GARIN5A: variants seen among roughly 807,000 people sequenced by gnomAD.
GARIN5A encodes golgi associated RAB2 interactor 5A.
At chr19:50,476,372 C>T in the GARIN5A span, 1 of 1,566,872 alleles carries the variant, frequency 6.4e-7, no homozygotes, top group Non-Finnish European at 8.6e-7. Flanking sequence ...GAGATCAGGC[C>T]AAAGGGGCGG....
the GARIN5A span, among the ~76,000 whole-genome samples, chr19:50,469,973 A>T: frequency 6.6e-5 from 10 of 152,266 alleles, no homozygotes; most frequent in South Asian, 2.1e-3. Flanking sequence ...ATATTTACCC[A>T]GTTTTTCCCC....
chr19:50,471,942 GTATA>G, the GARIN5A span, among the ~76,000 whole-genome samples: 4 of 139,984 alleles, frequency 2.9e-5, no homozygotes, highest in African/African-American at 6.0e-5. Flanking sequence ...ATGTGTGTAA[GTATA>G]TATACATGTA....
the GARIN5A span, among the ~76,000 whole-genome samples, chr19:50,475,067 T>C: frequency 6.6e-6 from 1 of 152,192 alleles, no homozygotes; most frequent in Non-Finnish European, 1.5e-5. Flanking sequence ...GAGCAGGCCC[T>C]GCGGAAATGA....
the GARIN5A span, among the ~76,000 whole-genome samples, chr19:50,473,368 T>C: frequency 2.0e-5 from 3 of 152,092 alleles, no homozygotes; most frequent in Non-Finnish European, 4.4e-5. Context: ...TCTTTCTTTC[T>C]TTTTTAGAGA....
the GARIN5A span, among the ~76,000 whole-genome samples, chr19:50,469,113 C>T: frequency 1.7e-4 from 26 of 152,256 alleles, no homozygotes; most frequent in East Asian, 3.3e-3. Flanking sequence ...AAGCCCTCAC[C>T]GTGGCCCACA....
At chr19:50,474,262 C>T in the GARIN5A span, among the ~76,000 whole-genome samples, 1 of 151,576 alleles carries the variant, frequency 6.6e-6, no homozygotes, top group East Asian at 1.9e-4. Flanking sequence ...TCACTGCAAC[C>T]TCCACCTCTT....
chr19:50,475,218 C>T, the GARIN5A span: 1,272 of 1,437,562 alleles, frequency 8.8e-4, 4 homozygotes, highest in South Asian at 1.4e-3. Flanking sequence ...GGTAGCACTG[C>T]CAGCTCCTGG....
At chr19:50,471,905 T>TATGTGTGTATATGTGTATATAC in the GARIN5A span, among the ~76,000 whole-genome samples, 1 of 142,634 alleles carries the variant, frequency 7.0e-6, no homozygotes, top group East Asian at 1.9e-4. Context: ...TGCATACATG[T>TATGTGTGTATATGTGTATATAC]ATGTGTGTAT....
the GARIN5A span, among the ~76,000 whole-genome samples, chr19:50,472,394 G>C: frequency 6.6e-6 from 1 of 152,008 alleles, no homozygotes; most frequent in African/African-American, 2.4e-5. Context: ...GAAGTGAGGG[G>C]CTAGGAGGTG....
chr19:50,474,346 AT>A, the GARIN5A span, among the ~76,000 whole-genome samples: 1,881 of 124,286 alleles, frequency 0.015, 18 homozygotes, highest in African/African-American at 0.027. Flanking sequence ...CACCTGGCTA[AT>A]TTTTTTTTTT....
At chr19:50,470,206 A>G in the GARIN5A span, among the ~76,000 whole-genome samples, 5 of 152,316 alleles carry the variant, frequency 3.3e-5, no homozygotes, top group East Asian at 9.6e-4. Flanking sequence ...AGCACGTGCA[A>G]TGGTCAAAAA....
the GARIN5A span, chr19:50,476,725 T>A: frequency 9.8e-7 from 1 of 1,024,854 alleles, no homozygotes; most frequent in Non-Finnish European, 1.4e-6. Context: ...GGTCTTTAGG[T>A]GAGTTACAGA....
the GARIN5A span, chr19:50,467,592 A>C: frequency 5.2e-6 from 8 of 1,547,266 alleles, no homozygotes; most frequent in South Asian, 9.5e-5. Flanking sequence ...CCTCATCATC[A>C]TCACCCTCCC....
At chr19:50,474,119 G>A in the GARIN5A span, among the ~76,000 whole-genome samples, 1 of 152,072 alleles carries the variant, frequency 6.6e-6, no homozygotes, top group African/African-American at 2.4e-5. Flanking sequence ...TCTATTTTGT[G>A]CTTGTTTTCT....
At chr19:50,473,966 A>T in the GARIN5A span, among the ~76,000 whole-genome samples, 1 of 151,540 alleles carries the variant, frequency 6.6e-6, no homozygotes, top group East Asian at 2.0e-4. Flanking sequence ...CAGCCTGGAG[A>T]CTCTGTCTCA....
chr19:50,476,053 C>A, the GARIN5A span: 2 of 1,606,104 alleles, frequency 1.2e-6, no homozygotes, highest in African/African-American at 1.3e-5. Flanking sequence ...GTATCAGATG[C>A]CCCCGAATTG....
At chr19:50,469,832 C>T in the GARIN5A span, among the ~76,000 whole-genome samples, 1 of 152,178 alleles carries the variant, frequency 6.6e-6, no homozygotes, top group Admixed American at 6.5e-5. Flanking sequence ...CGGATGTCCC[C>T]TGCCACACCG....
chr19:50,468,223 G>A, the GARIN5A span, among the ~76,000 whole-genome samples: 10 of 151,968 alleles, frequency 6.6e-5, no homozygotes, highest in East Asian at 3.9e-4. Context: ...TTAGCCGGGC[G>A]TGGTAGTGGG....
chr19:50,475,897 T>TAGCGTTGGAGCC, the GARIN5A span: 1 of 1,613,814 alleles, frequency 6.2e-7, no homozygotes, highest in Non-Finnish European at 8.5e-7. Context: ...GCTCTGGAGG[T>TAGCGTTGGAGCC]AGCGTTGGAG....
Sources: gnomAD v4.1 joint callset for allele counts (sites outside exome capture counted in the v4.1 genomes callset) on GRCh38, gnomAD v4.1.1 for gene constraint, MANE v1.5 for transcripts, NCBI Gene and HGNC (gene_info 2026-07-23, HGNC 2026-07-21) for gene names.